ANKRD11: variants seen among roughly 807,000 people sequenced by gnomAD.
ANKRD11 encodes ankyrin repeat domain-containing protein 11.
A neutral mutation model predicts 195.7 loss-of-function variants in ANKRD11; 17 were observed. The ratio of observed to expected loss-of-function variants is 0.09; its 90% CI spans 0.06 to 0.13. The LOEUF is 0.13. Ranked by LOEUF, ANKRD11 falls within the 10% of genes least tolerant of loss-of-function variation. ANKRD11 has a pLI of 1.00. For synonymous variants in ANKRD11, 1,953 were observed against 1,528.1 expected, an observed-to-expected ratio of 1.28 and a Z score of -6.49; for missense variants, 3,735 against 3,566.1, an observed-to-expected ratio of 1.05 and a Z score of -1.21.
chr16:89,475,782 G>A (rs1213998768), intron 1 of ANKRD11, among the ~76,000 whole-genome samples: 2 of 152,130 alleles, frequency 1.3e-5, no homozygotes, highest in Non-Finnish European at 2.9e-5. Context: ...AGGTGCGGGG[G>A]CTCACACCTG....
chr16:89,457,066 T>G (rs2056471549), intron 1 of ANKRD11, among the ~76,000 whole-genome samples: 1 of 148,882 alleles, frequency 6.7e-6, no homozygotes, highest in South Asian at 2.2e-4. Flanking sequence ...TTCACGCCAT[T>G]CTCCTGCCTC....
At chr16:89,273,112 T>G (rs2033322941) in intron 11 of ANKRD11, 1 of 151,510 alleles carries the variant, frequency 6.6e-6, no homozygotes, top group South Asian at 2.1e-4. Context: ...AGGGTAACTG[T>G]AGTCAATAGT....
At chr16:89,271,088 C>T in intron 11 of ANKRD11, 179 bp from the exon 12 acceptor site, 1 of 666,912 alleles carries the variant, frequency 1.5e-6, no homozygotes, top group Admixed American at 2.1e-5. Flanking sequence ...TGCCCATCTC[C>T]CTAAACAGCC....
In ANKRD11 at chr16:89,313,881, T is replaced by G. The variant is rs139720980; in HGVS notation, c.87+3052A>C. Among the ~76,000 whole-genome samples the G allele has an allele frequency of 1.7e-3, 253 of 152,298 alleles. 2 individuals are homozygous for G. The highest frequency in any genetic ancestry group is 5.8e-3 in the African/African-American group (243 of 41,548). On this transcript the variant is annotated intron_variant, in intron 3 of 12. Coordinates refer to ENST00000301030, the MANE Select transcript of ANKRD11 (RefSeq NM_013275.6). ...CTACTCCCTGTAATGCGTTTAAAAT[T>G]TGTCTGCCTCCATGAGGAAAATGCC...
intron 2 of ANKRD11, among the ~76,000 whole-genome samples, chr16:89,406,374 C>T (rs2041907289): frequency 1.3e-5 from 2 of 152,190 alleles, no homozygotes; most frequent in African/African-American, 4.8e-5. Context: ...GGCCACACTC[C>T]TGAGGGCGAC....
At chr16:89,418,545 A>C (rs921313059) in intron 1 of ANKRD11, 177 bp from the exon 2 acceptor site, 3 of 249,378 alleles carry the variant, frequency 1.2e-5, no homozygotes, top group African/African-American at 2.2e-5. Context: ...TTCATTCATC[A>C]AATACCTTTA....
At chr16:89,315,926 A>G (rs1291393425) in intron 3 of ANKRD11, among the ~76,000 whole-genome samples, 1 of 152,202 alleles carries the variant, frequency 6.6e-6, no homozygotes, top group Non-Finnish European at 1.5e-5. Flanking sequence ...GGAAGCAGCA[A>G]GAGGCCTCAC....
At chr16:89,298,245 A>G (rs1323027044) in intron 4 of ANKRD11, 1 of 152,276 alleles carries the variant, frequency 6.6e-6, no homozygotes, top group Admixed American at 6.5e-5. Flanking sequence ...ACGGTTTCCC[A>G]CCCTGGGCCT....
rs896067452 is a variant in ANKRD11 at position 89,352,076 on chromosome 16, G to C, written c.-59-34998C>G. Among the ~76,000 whole-genome samples, 7 of 151,152 alleles carry C rather than the reference G, an allele frequency of 4.6e-5. No homozygotes were observed. In the South Asian group the frequency reaches 1.5e-3, roughly 32 times the overall value. The stretch of plus-strand genomic sequence containing the variant: ...ACCAGGCCCAGGTAATTTGTGTAGA[G>C]GCGGGGGTTTCAACATGTTGGTCAG... On this transcript the variant is annotated intron_variant, in intron 2 of 12. Coordinates refer to ENST00000301030, the MANE Select transcript of ANKRD11 (RefSeq NM_013275.6).
chr16:89,362,791 G>T (rs149969711), intron 2 of ANKRD11, among the ~76,000 whole-genome samples: 3,973 of 151,854 alleles, frequency 0.026, 144 homozygotes, highest in African/African-American at 0.091. Context: ...CTCTTCCTTA[G>T]TTGAAGGTGT....
chr16:89,459,457 A>G (rs2056574945), intron 1 of ANKRD11: 1 of 152,214 alleles, frequency 6.6e-6, no homozygotes, highest in Non-Finnish European at 1.5e-5. Flanking sequence ...TAAGCCTGAA[A>G]GTATCCTTTC....
At chr16:89,402,370 C>T (rs1167630250) in intron 2 of ANKRD11, among the ~76,000 whole-genome samples, 5 of 152,090 alleles carry the variant, frequency 3.3e-5, no homozygotes, top group Non-Finnish European at 7.3e-5. Flanking sequence ...TGGGATTGAG[C>T]GCTTATTTAA....
intron 2 of ANKRD11, chr16:89,396,007 G>A (rs1248366535): frequency 1.3e-5 from 2 of 152,224 alleles, no homozygotes; most frequent in Non-Finnish European, 1.5e-5. Flanking sequence ...GTCAAAGAAT[G>A]ACCGACCGAC....
At chr16:89,334,321 C>A (rs1354094984) in intron 2 of ANKRD11, among the ~76,000 whole-genome samples, 2 of 151,946 alleles carry the variant, frequency 1.3e-5, no homozygotes, top group Non-Finnish European at 2.9e-5. Context: ...CCAATACGGC[C>A]AAGTTTCTGA....
intron 1 of ANKRD11, among the ~76,000 whole-genome samples, chr16:89,482,035 T>C (rs1238904552): frequency 6.6e-6 from 1 of 152,108 alleles, no homozygotes; most frequent in East Asian, 1.9e-4. Context: ...CAAGCTTTAG[T>C]CAACTAAATG....
chr16:89,417,007 C>A (rs1011957114), intron 2 of ANKRD11, among the ~76,000 whole-genome samples: 1 of 152,092 alleles, frequency 6.6e-6, no homozygotes, highest in African/African-American at 2.4e-5. Flanking sequence ...ACAAACATGC[C>A]CACTACCCAG....
intron 1 of ANKRD11, among the ~76,000 whole-genome samples, chr16:89,476,936 G>C (rs1435753966): frequency 6.6e-6 from 1 of 152,148 alleles, no homozygotes; most frequent in Non-Finnish European, 1.5e-5. Flanking sequence ...GCACAGACTG[G>C]AACACATGAT....
At chr16:89,428,469 T>C (rs774736572) in intron 1 of ANKRD11, among the ~76,000 whole-genome samples, 5 of 151,892 alleles carry the variant, frequency 3.3e-5, no homozygotes, top group South Asian at 2.1e-4. Context: ...GAGCTTGCAG[T>C]GAGCCGAGAC....
chr16:89,472,621 G>A (rs1471894254), intron 1 of ANKRD11, among the ~76,000 whole-genome samples: 1 of 152,144 alleles, frequency 6.6e-6, no homozygotes, highest in African/African-American at 2.4e-5. Flanking sequence ...CCATTCCACT[G>A]CGCCCAGCTT....
Sources: allele counts gnomAD v4.1 joint callset (sites outside exome capture counted in the v4.1 genomes callset), GRCh38; gene constraint gnomAD v4.1.1; transcripts MANE v1.5; gene names NCBI Gene and HGNC (gene_info 2026-07-23, HGNC 2026-07-21).